The following NOL4L variants were observed in gnomAD, a reference collection of about 807,000 sequenced individuals.
The protein encoded by NOL4L is nucleolar protein 4 like.
NOL4L carries 7 observed loss-of-function variants against 64.5 expected under a neutral mutation model. That is an observed-to-expected ratio of 0.11 (90% CI 0.06 to 0.20). The LOEUF is 0.20. Among genes scored for constraint, NOL4L ranks in the 10% least tolerant of loss-of-function variants. The probability of loss-of-function intolerance (pLI) is 1.00; values close to 1 mark genes in which losing one functional copy is unlikely to be tolerated. For synonymous variants in NOL4L, 413 were observed against 401.0 expected, an observed-to-expected ratio of 1.03 and a Z score of -0.36; for missense variants, 680 against 967.1, an observed-to-expected ratio of 0.70 and a Z score of 3.94.
At chr20:32,511,312 C>A (rs1214064218) in intron 4 of NOL4L, 35 bp downstream of exon 4, 1 of 1,381,104 alleles carries the variant, frequency 7.2e-7, no homozygotes, top group East Asian at 2.5e-5. Context: ...AGTCAGGACG[C>A]CTCCAGGTGG....
intron 1 of NOL4L, among the ~76,000 whole-genome samples, chr20:32,562,902 G>A (rs2145613843): frequency 8.4e-6 from 1 of 118,528 alleles, no homozygotes; most frequent in South Asian, 3.3e-4. Flanking sequence ...AGGGTGGAGG[G>A]GAGGGAGAGT....
At chr20:32,502,255 G>A (rs1048187590) in intron 4 of NOL4L, among the ~76,000 whole-genome samples, 11 of 152,216 alleles carry the variant, frequency 7.2e-5, no homozygotes, top group African/African-American at 2.4e-4. Context: ...TTGAAGTGGG[G>A]AGGCTGGGGC....
chr20:32,472,083 G>A lies in NOL4L; in HGVS notation c.841+2518C>T, dbSNP rs974780125. On this transcript the variant is annotated intron_variant, in intron 5 of 10. Coordinates refer to ENST00000621426, the MANE Select transcript of NOL4L (RefSeq NM_001256798.2). ...CCCCACACTCCCGGCGAAAAGAAAA[G>A]GCCCAGGTACTCAGATGGGAAGGAT... Among the ~76,000 whole-genome samples, 25 of 152,186 alleles carry A rather than the reference G, an allele frequency of 1.6e-4. 1 individual carries two copies. Among genetic ancestry groups the A allele is most frequent in the African/African-American group, 6.0e-4 (25 of 41,442 alleles).
At chr20:32,471,451 G>A (rs775365873) in intron 5 of NOL4L, among the ~76,000 whole-genome samples, 4 of 152,188 alleles carry the variant, frequency 2.6e-5, no homozygotes, top group Non-Finnish European at 4.4e-5. Context: ...ACTCACTCTT[G>A]GGCCCAGTGG....
chr20:32,554,573 T>A (rs1182002486), intron 1 of NOL4L, among the ~76,000 whole-genome samples: 1 of 152,130 alleles, frequency 6.6e-6, no homozygotes, highest in African/African-American at 2.4e-5. Flanking sequence ...GAGGCTCAGA[T>A]GCTTCATTGA....
At chr20:32,535,554 C>A in intron 1 of NOL4L, 1 of 984,286 alleles carries the variant, frequency 1.0e-6, no homozygotes, top group Non-Finnish European at 1.2e-6. Context: ...TCCAAGACCT[C>A]CTTTCTGCTT....
intron 1 of NOL4L, among the ~76,000 whole-genome samples, chr20:32,581,051 A>C (rs1250783079): frequency 6.6e-6 from 1 of 152,192 alleles, no homozygotes; most frequent in Non-Finnish European, 1.5e-5. Context: ...CGTAAGAAAT[A>C]ATAAATCCTC....
chr20:32,499,445 G>A (rs746503178), intron 4 of NOL4L, among the ~76,000 whole-genome samples: 2 of 152,022 alleles, frequency 1.3e-5, no homozygotes, highest in Non-Finnish European at 1.5e-5. Context: ...AGGCATTAAA[G>A]AAACAATTTT....
intron 1 of NOL4L, among the ~76,000 whole-genome samples, chr20:32,576,513 G>A (rs1980116846): frequency 6.6e-6 from 1 of 152,140 alleles, no homozygotes; most frequent in Admixed American, 6.5e-5. Context: ...CTGGGCTTGG[G>A]AACCAGTGGC....
chr20:32,473,813 C>G (rs886828072), intron 5 of NOL4L, among the ~76,000 whole-genome samples: 2 of 152,206 alleles, frequency 1.3e-5, no homozygotes, highest in African/African-American at 4.8e-5. Context: ...TTGGGCCCAG[C>G]TCACTCATCC....
Position 32,453,633 on chromosome 20 carries a change from G to A in NOL4L, c.1248C>T (p.Asp416=). 5 of 1,518,450 alleles carry A rather than the reference G, an allele frequency of 3.3e-6. No individual in the cohort carries two copies. Among genetic ancestry groups the A allele is most frequent in the Non-Finnish European group, 4.5e-6 (5 of 1,115,444 alleles). 94.1% of individuals were successfully genotyped at this position (1,518,450 alleles called of 1,614,324 possible). The part of the protein sequence containing the change: ...DDDDDHDDHE[D]NDKMNDSEGM... ...CTTCAGAGTCGTTCATCTTGTCATT[G>A]TCCTCATGGTCATCGTGGTCATCGT... The change falls in exon 7 of 11, where the codon GAC becomes GAT. Residue 416 remains aspartate (D), a synonymous_variant. Coordinates refer to ENST00000621426, the MANE Select transcript of NOL4L (RefSeq NM_001256798.2). The surrounding 1 kb of genome is among the most constrained non-coding windows in gnomAD (Gnocchi z 5.6).
Position 32,458,317 on chromosome 20 carries a change from G to T in NOL4L, c.842-1922C>A, listed in dbSNP as rs112940653. Among the ~76,000 whole-genome samples the T allele has an allele frequency of 7.2e-3, 1,095 of 152,328 alleles. 18 individuals are homozygous for T. The highest frequency in any genetic ancestry group is 0.025 in the African/African-American group (1,027 of 41,574). On this transcript the variant is annotated intron_variant, in intron 5 of 10. Transcript: ENST00000621426. ...GACACCTCCAGCTGAGCAGATGGCAGCCAGCCTTCAAGGTCTGGTTCCACA... is the reference window on the plus strand; with the variant it reads ...GACACCTCCAGCTGAGCAGATGGCATCCAGCCTTCAAGGTCTGGTTCCACA...
At chr20:32,488,965 C>CT (rs1174304651) in intron 4 of NOL4L, among the ~76,000 whole-genome samples, 546 of 45,074 alleles carry the variant, frequency 0.012, 41 homozygotes, top group African/African-American at 0.045. Context: ...AATTGTTGGT[C>CT]TTTTTTTTTT....
intron 1 of NOL4L, among the ~76,000 whole-genome samples, chr20:32,581,699 C>A (rs1980483983): frequency 6.6e-6 from 1 of 152,206 alleles, no homozygotes; most frequent in African/African-American, 2.4e-5. Flanking sequence ...TGCCCACCAC[C>A]CCCGACAGCT....
At chr20:32,473,204 G>A (rs554158230) in intron 5 of NOL4L, among the ~76,000 whole-genome samples, 20 of 152,360 alleles carry the variant, frequency 1.3e-4, no homozygotes, top group African/African-American at 4.8e-4. Flanking sequence ...AACTGTCCCA[G>A]ACCCTTCTTG....
At chr20:32,525,104 G>A (rs1439298494) in intron 2 of NOL4L, among the ~76,000 whole-genome samples, 2 of 152,234 alleles carry the variant, frequency 1.3e-5, no homozygotes, top group South Asian at 2.1e-4. Flanking sequence ...GCATATGGAC[G>A]AGAAGCCAGG....
rs57444583 is a variant in NOL4L at position 32,485,058 on chromosome 20, C to CAAAAAA, written c.700-10322_700-10317dup. Among the ~76,000 whole-genome samples, 92 of 17,788 alleles carry CAAAAAA rather than the reference C, an allele frequency of 5.2e-3. 1 individual carries two copies. Among genetic ancestry groups the CAAAAAA allele is most frequent in the African/African-American group, 9.6e-3 (55 of 5,750 alleles). 11.7% of individuals were successfully genotyped at this position (17,788 alleles called of 152,430 possible). On this transcript the variant is annotated intron_variant, in intron 4 of 10. Coordinates refer to ENST00000621426, the MANE Select transcript of NOL4L (RefSeq NM_001256798.2). ...TCGTGGAATTCTGTGGGGAAATTGC[C>CAAAAAA]AAAAAAAAAAAAAAAAAAAAAAAAA... is the stretch of plus-strand genomic sequence containing the variant.
At position 32,453,439 on chromosome 20, in the gene NOL4L, C is replaced by A; in HGVS notation, c.1362G>T (p.Lys454Asn). The change falls in exon 8 of 11, where the codon AAG becomes AAT. Residue 454 changes from lysine (K) to asparagine (N), a missense_variant. By Grantham distance (94) the Lys-to-Asn change is moderately conservative. Coordinates refer to ENST00000621426, the MANE Select transcript of NOL4L (RefSeq NM_001256798.2). This position sits in a 1 kb window ranked among gnomAD's most constrained non-coding sequence, Gnocchi z 5.6. ...ENLDRMVPIS[K>N]QPKEKIQAII... ...TGGCCTGGATCTTCTCCTTGGGCTG[C>A]TTGGAGATGGGCACCATGCGGTCCA... 1 of 1,614,094 alleles carries A rather than the reference C, an allele frequency of 6.2e-7. No homozygotes were observed. Among genetic ancestry groups the A allele is most frequent in the Non-Finnish European group, 8.5e-7 (1 of 1,180,024 alleles).
In NOL4L at chr20:32,530,368, T is replaced by C. The variant is rs911859911; in HGVS notation, c.322-2455A>G. Among the ~76,000 whole-genome samples the C allele has an allele frequency of 1.6e-4, 25 of 151,944 alleles. 1 individual carries two copies. The highest frequency in any genetic ancestry group is 2.8e-4 in the Non-Finnish European group (19 of 68,000). ...CATCCTGGCTAACATGGTGAAACCCTGTCTCTACTAAAAATACAAAAAATT... is the reference window on the plus strand; with the variant it reads ...CATCCTGGCTAACATGGTGAAACCCCGTCTCTACTAAAAATACAAAAAATT... On this transcript the variant is annotated intron_variant, in intron 1 of 10. Coordinates refer to ENST00000621426, the MANE Select transcript of NOL4L (RefSeq NM_001256798.2).
Sources: gnomAD v4.1 joint callset for allele counts (sites outside exome capture counted in the v4.1 genomes callset) on GRCh38, gnomAD v4.1.1 for gene constraint, Gnocchi (gnomAD v3.1) non-coding constraint, MANE v1.5 for transcripts, NCBI Gene and HGNC (gene_info 2026-07-23, HGNC 2026-07-21) for gene names.